The following MYO18B variants were observed in gnomAD, a reference collection of about 807,000 sequenced individuals.
MYO18B encodes myosin XVIIIB, also known as unconventional myosin-XVIIIb.
A neutral mutation model predicts 273.0 loss-of-function variants in MYO18B; 204 were observed. The ratio of observed to expected loss-of-function variants is 0.75; its 90% CI spans 0.67 to 0.84. The LOEUF is 0.84. MYO18B is among the 40% of genes least tolerant of loss of function. The pLI is 0.00. For synonymous variants in MYO18B, 1,330 were observed against 1,305.7 expected, an observed-to-expected ratio of 1.02 and a Z score of -0.40; for missense variants, 3,212 against 3,287.6, an observed-to-expected ratio of 0.98 and a Z score of 0.56.
the MYO18B span, among the ~76,000 whole-genome samples, chr22:26,058,421 G>A: frequency 3.3e-5 from 5 of 152,188 alleles, no homozygotes; most frequent in African/African-American, 9.6e-5. Context: ...GAGGGTGGAG[G>A]TGGAAGTGTA....
chr22:25,882,030 A>G (rs1255357486), intron 25 of MYO18B, among the ~76,000 whole-genome samples: 3 of 152,094 alleles, frequency 2.0e-5, no homozygotes, highest in Admixed American at 6.5e-5. Context: ...CTTGTCACTC[A>G]TTTTAGGTGG....
At chr22:25,744,593 G>T (rs564531020) in intron 1 of MYO18B, among the ~76,000 whole-genome samples, 2 of 152,136 alleles carry the variant, frequency 1.3e-5, no homozygotes, top group African/African-American at 4.8e-5. Context: ...AATTAGCCGG[G>T]CGTGGTGGTG....
Position 25,768,701 on chromosome 22 carries a change from ACAGG to A in MYO18B, c.790_793del (p.Gln264GlyfsTer38). 1 of 1,573,212 alleles carries A rather than the reference ACAGG, an allele frequency of 6.4e-7. No homozygotes were observed. The highest frequency in any genetic ancestry group is 8.6e-7 in the Non-Finnish European group (1 of 1,161,540). The stretch of plus-strand genomic sequence containing the variant: ...AAAGAGGCTGAGCCCCAGGGCAAAG[ACAGG>A]CAGGGGACCAGGCCCCAAGCCCAAG... On this transcript the variant is annotated frameshift_variant, in exon 4 of 44. Transcript: ENST00000335473. LOFTEE classifies it high-confidence loss of function.
At chr22:25,833,055 C>CTGGT (rs1490340512) in intron 16 of MYO18B, 58 bp downstream of exon 16, 1 of 1,511,170 alleles carries the variant, frequency 6.6e-7, no homozygotes, top group East Asian at 2.3e-5. Context: ...TATTGAAATG[C>CTGGT]TGGTGGATTT....
intron 24 of MYO18B, chr22:25,877,024 A>G (rs2091218903): frequency 6.6e-6 from 1 of 152,252 alleles, no homozygotes; most frequent in Non-Finnish European, 1.5e-5. Context: ...TGGTGCTGTC[A>G]TAGGCACAGT....
At chr22:25,967,204 A>G (rs531258191) in intron 39 of MYO18B, among the ~76,000 whole-genome samples, 78 of 152,356 alleles carry the variant, frequency 5.1e-4, no homozygotes, top group African/African-American at 1.8e-3. Context: ...TGCAAAGTTA[A>G]TTACTTAAAA....
At chr22:26,056,856 C>A in the MYO18B span, among the ~76,000 whole-genome samples, 1 of 152,150 alleles carries the variant, frequency 6.6e-6, no homozygotes, top group Non-Finnish European at 1.5e-5. Flanking sequence ...AACCAGTGGG[C>A]CCGAGCGCTC....
chr22:25,775,323 T>C (rs1409898048), intron 7 of MYO18B, among the ~76,000 whole-genome samples: 2 of 152,138 alleles, frequency 1.3e-5, no homozygotes, highest in East Asian at 1.9e-4. Context: ...CAACAGTGGA[T>C]TGGAGACAGC....
chr22:26,018,458 G>A (rs907467588), intron 42 of MYO18B, among the ~76,000 whole-genome samples: 4 of 152,096 alleles, frequency 2.6e-5, no homozygotes, highest in South Asian at 2.1e-4. Context: ...AGCTAGGGGT[G>A]GGGGAGCTTC....
intron 12 of MYO18B, among the ~76,000 whole-genome samples, chr22:25,815,029 G>T (rs1244900202): frequency 6.6e-6 from 1 of 152,196 alleles, no homozygotes; most frequent in Non-Finnish European, 1.5e-5. Context: ...ACCAATAAAT[G>T]GAATTCATAA....
Position 25,823,578 on chromosome 22 carries a change from G to A in MYO18B, c.2595G>A (p.Glu865=), listed in dbSNP as rs757601669. The A allele has an allele frequency of 6.2e-6, 10 of 1,613,994 alleles. No homozygotes were observed. Among genetic ancestry groups the A allele is most frequent in the South Asian group, 1.1e-5 (1 of 91,080 alleles). The change falls in exon 13 of 44, where the codon GAG becomes GAA. Residue 865 remains glutamate, a synonymous_variant. Coordinates refer to ENST00000335473, the MANE Select transcript of MYO18B (RefSeq NM_032608.7). ...AAEALGCEYE[E]LNTATFKHHL... is the part of the protein sequence containing the mutation. ...AGGCCCTGGGCTGCGAGTATGAGGAGCTGAACACGGCCACCTTCAAGCACC... is the reference window on the plus strand; with the variant it reads ...AGGCCCTGGGCTGCGAGTATGAGGAACTGAACACGGCCACCTTCAAGCACC...
intron 31 of MYO18B, among the ~76,000 whole-genome samples, chr22:25,907,113 G>C (rs1448670323): frequency 1.3e-5 from 2 of 152,220 alleles, no homozygotes; most frequent in Admixed American, 1.3e-4. Context: ...AATCCAGTAG[G>C]TCTAGGGTGA....
chr22:25,859,089 TAATA>T (rs896634475), intron 21 of MYO18B, among the ~76,000 whole-genome samples: 3 of 152,206 alleles, frequency 2.0e-5, no homozygotes, highest in African/African-American at 7.2e-5. Flanking sequence ...ACAGAGTAAA[TAATA>T]AATGTAATCA....
chr22:25,987,130 C>T (rs1394134276), intron 39 of MYO18B, among the ~76,000 whole-genome samples: 1 of 152,148 alleles, frequency 6.6e-6, no homozygotes, highest in African/African-American at 2.4e-5. Flanking sequence ...AGGCAACCTC[C>T]AGAGCTGCAG....
chr22:25,972,252 C>T (rs771985138), intron 39 of MYO18B, among the ~76,000 whole-genome samples: 2 of 151,898 alleles, frequency 1.3e-5, no homozygotes, highest in Non-Finnish European at 1.5e-5. Flanking sequence ...ACCAGAACCC[C>T]GATTTGTGAT....
intron 39 of MYO18B, among the ~76,000 whole-genome samples, chr22:25,979,674 C>G (rs1321101698): frequency 6.6e-6 from 1 of 152,072 alleles, no homozygotes; most frequent in Non-Finnish European, 1.5e-5. Context: ...GCTAGGAGCT[C>G]TGAATAGCAA....
chr22:25,909,657 C>A (rs2092117204), intron 32 of MYO18B, among the ~76,000 whole-genome samples: 1 of 152,216 alleles, frequency 6.6e-6, no homozygotes, highest in South Asian at 2.1e-4. Context: ...GTGACCCAGA[C>A]TCTCCTGAGG....
intron 34 of MYO18B, among the ~76,000 whole-genome samples, chr22:25,929,018 T>G (rs767369118): frequency 5.3e-5 from 8 of 151,946 alleles, no homozygotes; most frequent in Non-Finnish European, 7.4e-5. Context: ...AAAAATTAGC[T>G]GGGCATGATG....
chr22:25,780,754 C>G (rs2087115391), intron 9 of MYO18B, among the ~76,000 whole-genome samples: 2 of 152,178 alleles, frequency 1.3e-5, no homozygotes, highest in Admixed American at 6.5e-5. Flanking sequence ...GCCAGCCCGT[C>G]TGTGCTTCAG....
Sources: gnomAD v4.1 joint callset for allele counts (sites outside exome capture counted in the v4.1 genomes callset) on GRCh38, gnomAD v4.1.1 for gene constraint, MANE v1.5 for transcripts, NCBI Gene and HGNC (gene_info 2026-07-23, HGNC 2026-07-21) for gene names.